Variants in BID observed in about 807,000 individuals in gnomAD.
The protein encoded by BID is BH3-interacting domain death agonist.
In BID, 19 loss-of-function variants were observed where a neutral mutation model predicts 17.4. The ratio of observed to expected loss-of-function variants is 1.09; its 90% CI spans 0.76 to 1.60. The LOEUF (loss-of-function observed/expected upper bound fraction) is 1.60. Among genes scored for constraint, BID ranks in the 40% most tolerant of loss-of-function variants. The pLI, the probability that BID is intolerant of heterozygous loss-of-function variation, is 0.00. For synonymous variants in BID, 108 were observed against 102.8 expected (o/e 1.05, Z -0.31); for missense variants, 226 against 256.0 (o/e 0.88, Z 0.80).
intron 1 of BID, among the ~76,000 whole-genome samples, chr22:17,770,920 C>T (rs549349271): frequency 9.2e-5 from 14 of 152,352 alleles, no homozygotes; most frequent in African/African-American, 7.2e-5. Flanking sequence ...CCTGGTGATC[C>T]GGACCCGGAG....
chr22:17,750,271 C>T, intron 1 of BID, 97 bp from the exon 2 acceptor site: 6 of 1,066,196 alleles, frequency 5.6e-6, no homozygotes, highest in South Asian at 2.8e-5. Flanking sequence ...CCAGAAATGG[C>T]GGCTGAGCCG....
chr22:17,748,024 C>T (rs2061506537), intron 2 of BID, among the ~76,000 whole-genome samples: 1 of 151,514 alleles, frequency 6.6e-6, no homozygotes, highest in African/African-American at 2.4e-5. Flanking sequence ...TCCTGGCTAA[C>T]ACGGTGAAAC....
intron 1 of BID, among the ~76,000 whole-genome samples, chr22:17,763,732 C>T (rs1362692137): frequency 2.1e-5 from 3 of 144,474 alleles, no homozygotes; most frequent in African/African-American, 7.7e-5. Context: ...TTTTGAAAAG[C>T]AACCATTTAT....
At position 17,748,568 on chromosome 22, in the gene BID, A is replaced by G. The variant is rs937948889; in HGVS notation, c.12+1537T>C. ...ACAGAATTAAAGTTATGATGGGAAA[A>G]AAGGCTGAACCCTATAATTGAAAAG... On this transcript the variant is annotated intron_variant, in intron 2 of 5. Transcript: ENST00000622694. Among the ~76,000 whole-genome samples the G allele has an allele frequency of 2.0e-5, 3 of 152,258 alleles. No individual in the cohort carries two copies. The East Asian group carries it at 5.8e-4, about 29-fold the overall frequency.
intron 1 of BID, among the ~76,000 whole-genome samples, chr22:17,759,552 A>AAAAC (rs1318566851): frequency 6.6e-6 from 1 of 152,026 alleles, no homozygotes; most frequent in Non-Finnish European, 1.5e-5. Context: ...ACCCCGTCTC[A>AAAAC]AAACAAACAA....
intron 1 of BID, among the ~76,000 whole-genome samples, chr22:17,768,179 G>A (rs746438619): frequency 2.0e-5 from 3 of 152,224 alleles, no homozygotes; most frequent in Non-Finnish European, 2.9e-5. Flanking sequence ...GCCTGTAGGC[G>A]GTGGTGACGG....
At chr22:17,754,556 T>C (rs978246522) in intron 1 of BID, among the ~76,000 whole-genome samples, 3 of 152,226 alleles carry the variant, frequency 2.0e-5, no homozygotes, top group Non-Finnish European at 2.9e-5. Context: ...CTGGAACTCA[T>C]TGAAAACACC....
chr22:17,772,323 G>A (rs1051096273), intron 1 of BID, among the ~76,000 whole-genome samples: 19 of 152,262 alleles, frequency 1.2e-4, no homozygotes, highest in African/African-American at 4.1e-4. Flanking sequence ...GTGAGTGGGA[G>A]GCCCTGTGGG....
At chr22:17,767,744 CAG>C (rs2145921323) in intron 1 of BID, among the ~76,000 whole-genome samples, 1 of 152,272 alleles carries the variant, frequency 6.6e-6, no homozygotes, top group South Asian at 2.1e-4. Flanking sequence ...GCAGGGGAAA[CAG>C]AGACACGGAG....
Position 17,769,077 on chromosome 22 carries a change from T to A in BID, c.-59+5304A>T, listed in dbSNP as rs1008871304. ...AATAAATAAATAAATAAATAAATAA[T>A]AACTAAATAAATAAAGAACAAGGCT... On this transcript the variant is annotated intron_variant, in intron 1 of 5. Transcript: ENST00000622694. This position sits in a 1 kb window ranked among gnomAD's most constrained non-coding sequence, Gnocchi z 4.8. 6.9e-6 allele frequency among the ~76,000 whole-genome samples: 1 copy of A among 145,082 alleles called. No individual in the cohort carries two copies. The highest frequency in any genetic ancestry group is 1.5e-5 in the Non-Finnish European group (1 of 65,710).
intron 3 of BID, among the ~76,000 whole-genome samples, chr22:17,742,623 T>C (rs979157749): frequency 6.6e-6 from 1 of 151,934 alleles, no homozygotes. Flanking sequence ...CCCTTGAGCT[T>C]GGAAGGCCTG....
intron 5 of BID, among the ~76,000 whole-genome samples, chr22:17,735,903 C>A (rs2061416005): frequency 6.6e-6 from 1 of 152,186 alleles, no homozygotes; most frequent in African/African-American, 2.4e-5. Flanking sequence ...GACTGCTGCA[C>A]ACGTCTTGCC....
At chr22:17,753,965 A>C (rs1386319908) in intron 1 of BID, among the ~76,000 whole-genome samples, 1 of 150,798 alleles carries the variant, frequency 6.6e-6, no homozygotes. Flanking sequence ...GACTGGGGTG[A>C]CATTCCCCCA....
At chr22:17,750,009 G>A in intron 2 of BID, 96 bp downstream of exon 2, 1 of 1,262,974 alleles carries the variant, frequency 7.9e-7, no homozygotes, top group Non-Finnish European at 1.1e-6. Context: ...GGCGGGCTCA[G>A]CCTCAGCCCT....
rs1472802704 is a variant in BID, at chr22:17,774,386, T to C, written c.-64A>G. The C allele has an allele frequency of 4.4e-6, 1 of 229,494 alleles. No homozygotes were observed. The highest frequency in any genetic ancestry group is 9.4e-6 in the Non-Finnish European group (1 of 106,622). 14.2% of individuals were successfully genotyped at this position (229,494 alleles called of 1,614,324 possible). ...AGGGGCGCGGGTGCACTCACCACCC[T>C]CCAGCCGCGGGGGCGCGGGCGCGTC... On this transcript the variant is annotated 5_prime_UTR_variant, in exon 1 of 6. Transcript: ENST00000622694.
At chr22:17,749,939 C>T (rs1030796262) in intron 2 of BID, among the ~76,000 whole-genome samples, 166 bp downstream of exon 2, 8 of 152,240 alleles carry the variant, frequency 5.3e-5, no homozygotes, top group East Asian at 1.9e-4. Context: ...TCCCGGCTCC[C>T]GCCTGCTTCA....
At chr22:17,737,399 T>C (rs548524499) in intron 5 of BID, among the ~76,000 whole-genome samples, 14 of 152,190 alleles carry the variant, frequency 9.2e-5, no homozygotes, top group South Asian at 8.3e-4. Context: ...CAGGCTAAAG[T>C]GCAGTGGTGC....
At chr22:17,750,034 G>T in intron 2 of BID, 71 bp downstream of exon 2, 1 of 1,444,716 alleles carries the variant, frequency 6.9e-7, no homozygotes, top group Non-Finnish European at 9.6e-7. Context: ...GATGCGTGGT[G>T]GGGGACACGC....
chr22:17,764,230 T>A (rs1477858153), intron 1 of BID: 1 of 154,614 alleles, frequency 6.5e-6, no homozygotes, highest in African/African-American at 2.4e-5. Context: ...CTGGTACTGC[T>A]AGTGCTGGGT....
Sources: allele counts gnomAD v4.1 joint callset (sites outside exome capture counted in the v4.1 genomes callset), GRCh38; gene constraint gnomAD v4.1.1; non-coding constraint Gnocchi (gnomAD v3.1); transcripts MANE v1.5; gene names NCBI Gene and HGNC (gene_info 2026-07-23, HGNC 2026-07-21).